Variants in TRPV4 observed in about 807,000 individuals in gnomAD.
The protein encoded by TRPV4 is transient receptor potential cation channel subfamily V member 4.
A neutral mutation model predicts 84.1 loss-of-function variants in TRPV4; 58 were observed. The ratio of observed to expected loss-of-function variants is 0.69; its 90% CI spans 0.56 to 0.86. TRPV4 has a LOEUF of 0.86. TRPV4 is among the 40% of genes least tolerant of loss of function. The probability of loss-of-function intolerance (pLI) is 0.00; values close to 1 mark genes in which losing one functional copy is unlikely to be tolerated. For synonymous variants in TRPV4, 489 were observed against 500.9 expected, an observed-to-expected ratio of 0.98 and a Z score of 0.32; for missense variants, 879 against 1,181.1, an observed-to-expected ratio of 0.74 and a Z score of 3.75.
chr12:109,806,752 T>TC lies in TRPV4; in HGVS notation c.559+1543dup, dbSNP rs200706734. On this transcript the variant is annotated intron_variant, in intron 3 of 15. Coordinates refer to ENST00000261740, the MANE Select transcript of TRPV4 (RefSeq NM_021625.5). ...AGCTTGCACCTGTAGTCCCAACTACTCTCGAGGCCGAAGCAGGAGGATTGC... is the reference window on the plus strand; with the variant it reads ...AGCTTGCACCTGTAGTCCCAACTACTCCTCGAGGCCGAAGCAGGAGGATTGC... Among the ~76,000 whole-genome samples the TC allele has an allele frequency of 1.1e-3, 173 of 150,808 alleles. 2 individuals carry two copies. In the East Asian group the frequency reaches 0.026, roughly 23 times the overall value.
chr12:109,806,038 G>A (rs1310341604), intron 3 of TRPV4, among the ~76,000 whole-genome samples: 1 of 152,102 alleles, frequency 6.6e-6, no homozygotes, highest in African/African-American at 2.4e-5. Flanking sequence ...CTTAAACATG[G>A]GTTATCTCCG....
At chr12:109,800,845 AG>A in intron 4 of TRPV4, 87 bp from the exon 5 acceptor site, 1 of 541,618 alleles carries the variant, frequency 1.8e-6, no homozygotes, top group South Asian at 1.7e-5. Flanking sequence ...TGCAGGACGT[AG>A]AAATTGGGGG....
At chr12:109,785,732 T>C (rs1048897337) in intron 14 of TRPV4, among the ~76,000 whole-genome samples, 1 of 151,540 alleles carries the variant, frequency 6.6e-6, no homozygotes, top group Non-Finnish European at 1.5e-5. Context: ...ATTTGAGCTT[T>C]GGATTCAAAC....
chr12:109,818,431 G>A (rs939592001), intron 1 of TRPV4, among the ~76,000 whole-genome samples: 1 of 151,780 alleles, frequency 6.6e-6, no homozygotes, highest in African/African-American at 2.4e-5. Flanking sequence ...CCATTTTACA[G>A]ATGAGGAAAC....
intron 1 of TRPV4, among the ~76,000 whole-genome samples, chr12:109,822,241 G>A (rs1219317564): frequency 6.6e-6 from 1 of 151,984 alleles, no homozygotes; most frequent in East Asian, 1.9e-4. Context: ...TCCATGGGTA[G>A]GAAGGAGCCC....
In TRPV4 at chr12:109,796,512, T is replaced by C. The variant is rs979641968; in HGVS notation, c.1332+13A>G. On this transcript the variant is annotated intron_variant, in intron 7 of 15. Transcript: ENST00000261740. This position sits in a 1 kb window ranked among gnomAD's most constrained non-coding sequence, Gnocchi z 4.2. ...CTCCTTCCTCACACCCCATGCCCCC[T>C]CCTGGAGCCCACCTCAATCTTGCTG... 3 of 1,605,452 alleles carry C rather than the reference T, an allele frequency of 1.9e-6. No homozygotes were observed.
chr12:109,788,572 C>G lies in TRPV4; in HGVS notation c.2036G>C (p.Gly679Ala). The G allele has an allele frequency of 6.2e-7, 1 of 1,614,238 alleles. No individual in the cohort carries two copies. The highest frequency in any genetic ancestry group is 8.5e-7 in the Non-Finnish European group (1 of 1,180,032). Residue 679 changes from glycine to alanine, a missense_variant, in exon 13 of 16, where the codon GGC (glycine) becomes GCC (alanine). Physicochemically the swap from Gly to Ala is moderately conservative, Grantham distance 60 (BLOSUM62 0). Around this residue, in one of 4 missense-constraint regions of TRPV4, gnomAD observed 242 missense variants for 355.3 expected, o/e 0.68. Transcript: ENST00000261740. ...GCTCAGCATCTCCAGGTCGCCCATG[C>G]CGATGGTCAGCTTAAACAGGTCCAG... ...FLLDLFKLTI[G>A]MGDLEMLSST...
chr12:109,827,292 C>G (rs1434912422), intron 1 of TRPV4, among the ~76,000 whole-genome samples: 2 of 152,192 alleles, frequency 1.3e-5, no homozygotes, highest in Non-Finnish European at 2.9e-5. Flanking sequence ...GACACTCACT[C>G]AAGCACACTT....
At chr12:109,788,982 G>A (rs927280523) in intron 12 of TRPV4, among the ~76,000 whole-genome samples, 3 of 152,096 alleles carry the variant, frequency 2.0e-5, no homozygotes, top group African/African-American at 4.8e-5. Context: ...TCTGAGATGG[G>A]GTCTTGCTAT....
At chr12:109,792,918 T>C in intron 10 of TRPV4, 101 bp from the exon 11 acceptor site, 1 of 1,207,272 alleles carries the variant, frequency 8.3e-7, no homozygotes, top group South Asian at 1.3e-5. Context: ...GTATCAGGAC[T>C]TCCCAATGCC....
intron 1 of TRPV4, among the ~76,000 whole-genome samples, chr12:109,821,795 A>AT (rs1892109657): frequency 6.6e-6 from 1 of 151,938 alleles, no homozygotes; most frequent in Non-Finnish European, 1.5e-5. Flanking sequence ...GCCTCCCAAA[A>AT]TGTTGGGATT....
chr12:109,800,175 C>T (rs1193147983), intron 5 of TRPV4, among the ~76,000 whole-genome samples: 1 of 152,082 alleles, frequency 6.6e-6, no homozygotes, highest in Non-Finnish European at 1.5e-5. Flanking sequence ...GAACTCTTGA[C>T]CTCAGGTGAT....
Position 109,796,760 on chromosome 12 carries a change from G to A in TRPV4, c.1153-56C>T. On this transcript the variant is annotated intron_variant, in intron 6 of 15. Transcript: ENST00000261740. The surrounding 1 kb of genome is among the most constrained non-coding windows in gnomAD (Gnocchi z 4.2). ...TCACACTGGAAAGACCCCCAGGGCT[G>A]GGCCCAGCTCAGCACATGACGCCTC... 6.4e-7 allele frequency: 1 copy of A among 1,564,046 alleles called. No homozygotes were observed. Among genetic ancestry groups the A allele is most frequent in the Non-Finnish European group, 8.7e-7 (1 of 1,153,660 alleles).
At chr12:109,816,607 G>A (rs1461006208) in intron 1 of TRPV4, among the ~76,000 whole-genome samples, 9 of 152,074 alleles carry the variant, frequency 5.9e-5, no homozygotes, top group African/African-American at 1.4e-4. Context: ...GCAAAACCCC[G>A]TCTCTATAAA....
intron 6 of TRPV4, among the ~76,000 whole-genome samples, chr12:109,797,284 T>C (rs1276345830): frequency 2.0e-5 from 3 of 152,136 alleles, no homozygotes; most frequent in African/African-American, 4.8e-5. Context: ...CCTGAGTAGC[T>C]GGGATTACAG....
In TRPV4 at chr12:109,786,652, C is replaced by G. The variant is rs1889700285; in HGVS notation, c.2336+58G>C. ...TAGACGACGCTGGAGCAGCAGGGGC[C>G]CCGAGCCAGTGGGGACAGTTCCGCC... On this transcript the variant is annotated intron_variant, in intron 14 of 15. Transcript: ENST00000261740. The surrounding 1 kb of genome is among the most constrained non-coding windows in gnomAD (Gnocchi z 4.5). The G allele has an allele frequency of 6.2e-7, 1 of 1,608,248 alleles. No individual in the cohort carries two copies. Among genetic ancestry groups the G allele is most frequent in the Admixed American group, 1.7e-5 (1 of 59,708 alleles).
chr12:109,793,389 C>G lies in TRPV4; in HGVS notation c.1658+138G>C. On this transcript the variant is annotated intron_variant, in intron 10 of 15. Transcript: ENST00000261740. This position sits in a 1 kb window ranked among gnomAD's most constrained non-coding sequence, Gnocchi z 4.0. ...AAGACCCTATTGTTTGTGGCTTTGT[C>G]CTGACTTTGGGTTAGAGCTGCCCAG... 1.3e-6 allele frequency: 1 copy of G among 785,346 alleles called. No individual in the cohort carries two copies. The highest frequency in any genetic ancestry group is 1.8e-5 in the Admixed American group (1 of 54,926). The allele number at this position is 785,346 out of a possible 1,614,324, so 48.6% of individuals were successfully genotyped here.
At chr12:109,832,347 CA>C (rs1450838160) in intron 1 of TRPV4, 4 of 152,346 alleles carry the variant, frequency 2.6e-5, no homozygotes, top group Non-Finnish European at 1.5e-5. Flanking sequence ...GCCAAAGTGG[CA>C]AAGCTTAAAT....
At position 109,814,987 on chromosome 12, in the gene TRPV4, G is replaced by A. The variant is rs953887738; in HGVS notation, c.-31-160C>T. On this transcript the variant is annotated intron_variant, in intron 1 of 15. Transcript: ENST00000261740. The surrounding 1 kb of genome is among the most constrained non-coding windows in gnomAD (Gnocchi z 5.4). ...AGGCCACTCCCAGATGTGGTTGGCC[G>A]CCAGCCTCAGGCGGGAACTGCAACA... 40 of 678,406 alleles carry A rather than the reference G, an allele frequency of 5.9e-5. No individual in the cohort carries two copies. Among genetic ancestry groups the A allele is most frequent in the African/African-American group, 1.3e-4 (7 of 55,172 alleles). 42.0% of individuals were successfully genotyped at this position (678,406 alleles called of 1,614,324 possible).
Sources: allele counts gnomAD v4.1 joint callset (sites outside exome capture counted in the v4.1 genomes callset), GRCh38; gene constraint gnomAD v4.1.1; regional missense constraint gnomAD v4.1.1; non-coding constraint Gnocchi (gnomAD v3.1); transcripts MANE v1.5; gene names NCBI Gene and HGNC (gene_info 2026-07-23, HGNC 2026-07-21).